CCR1: variants seen among roughly 807,000 people sequenced by gnomAD.
CCR1 encodes C-C chemokine receptor type 1.
CCR1 carries 1 observed loss-of-function variant against 0.3 expected under a neutral mutation model. The ratio of observed to expected loss-of-function variants is 3.70; its 90% CI spans 1.31 to 17.54. CCR1 has a LOEUF of 17.54. CCR1 is among the 30% of genes most tolerant of loss of function. The pLI, the probability that CCR1 is intolerant of heterozygous loss-of-function variation, is 0.11. For missense variants in CCR1, 349 were observed against 435.4 expected, an observed-to-expected ratio of 0.80 and a Z score of 1.77; for synonymous variants, 207 against 182.5, an observed-to-expected ratio of 1.13 and a Z score of -1.08.
rs201541865 is a variant in CCR1, at chr3:46,202,784, G to GTT, written c.*461_*462insAA. 1 of 145,632 alleles carries GTT rather than the reference G, an allele frequency of 6.9e-6. No homozygotes were observed. The highest frequency in any genetic ancestry group is 2.6e-5 in the African/African-American group (1 of 38,282). 9.0% of individuals were successfully genotyped at this position (145,632 alleles called of 1,614,324 possible). ...GTTCTTTGGCAGTGGGAGGGTGGCG[G>GTT]GGGGGGGGAGGTGATGGAAGAACAG... On this transcript the variant is annotated 3_prime_UTR_variant, in exon 2 of 2. Transcript: ENST00000296140.
In CCR1 at chr3:46,203,193, T is replaced by A; in HGVS notation, c.*53A>T. Reference sequence around the variant, plus strand: ...TGGGAGAGCCAGGCTGCTGGCTCAGTGTGCCTGGCAGGTCACGCCTGCTTA... The same window carrying A: ...TGGGAGAGCCAGGCTGCTGGCTCAGAGTGCCTGGCAGGTCACGCCTGCTTA... On this transcript the variant is annotated 3_prime_UTR_variant, in exon 2 of 2. Coordinates refer to ENST00000296140, the MANE Select transcript of CCR1 (RefSeq NM_001295.3). This position sits in a 1 kb window ranked among gnomAD's most constrained non-coding sequence, Gnocchi z 4.5. 7.4e-7 allele frequency: 1 copy of A among 1,343,438 alleles called. No homozygotes were observed. Among genetic ancestry groups the A allele is most frequent in the Non-Finnish European group, 1.0e-6 (1 of 959,174 alleles). 83.2% of individuals were successfully genotyped at this position (1,343,438 alleles called of 1,614,324 possible). A position where few individuals can be genotyped will look rare whatever the true frequency, so the allele number is the denominator to read the frequency against.
At position 46,202,665 on chromosome 3, in the gene CCR1, A is replaced by G. The variant is rs1428538279; in HGVS notation, c.*581T>C. ...ATGTTCCCCAGGATTCCAAGAGCCC[A>G]AATCCTGCGGTGGGAGTGAAGGGGA... On this transcript the variant is annotated 3_prime_UTR_variant, in exon 2 of 2. Coordinates refer to ENST00000296140, the MANE Select transcript of CCR1 (RefSeq NM_001295.3). 6.6e-6 allele frequency: 1 copy of G among 152,166 alleles called. No homozygotes were observed. The highest frequency in any genetic ancestry group is 1.5e-5 in the Non-Finnish European group (1 of 68,084). The allele number at this position is 152,166 out of a possible 1,614,324, so 9.4% of individuals were successfully genotyped here.
chr3:46,206,985 G>A (rs1024910300), intron 1 of CCR1, among the ~76,000 whole-genome samples: 40 of 152,280 alleles, frequency 2.6e-4, no homozygotes, highest in African/African-American at 9.6e-4. Context: ...TGGTGCGCTG[G>A]CTGGCTTATA....
chr3:46,204,384 C>T, intron 1 of CCR1, 60 bp from the exon 2 acceptor site: 1 of 1,102,170 alleles, frequency 9.1e-7, no homozygotes, highest in Non-Finnish European at 1.3e-6. Context: ...GCAGTGGGCA[C>T]TGGACAGTAA....
chr3:46,202,991 A>T lies in CCR1; in HGVS notation c.*255T>A, dbSNP rs954905774. 2 of 453,800 alleles carry T rather than the reference A, an allele frequency of 4.4e-6. No homozygotes were observed. Among genetic ancestry groups the T allele is most frequent in the Non-Finnish European group, 7.9e-6 (2 of 252,750 alleles). 28.1% of individuals were successfully genotyped at this position (453,800 alleles called of 1,614,324 possible). A position where few individuals can be genotyped will look rare whatever the true frequency, so the allele number is the denominator to read the frequency against. On this transcript the variant is annotated 3_prime_UTR_variant, in exon 2 of 2. Coordinates refer to ENST00000296140, the MANE Select transcript of CCR1 (RefSeq NM_001295.3). ...TTGAGTCCAAGCCCTTCTCTGGTAC[A>T]CTTAGTCCCAGTCTCTGGAATATTT...
At chr3:46,205,089 T>C (rs1699635179) in intron 1 of CCR1, among the ~76,000 whole-genome samples, 1 of 152,192 alleles carries the variant, frequency 6.6e-6, no homozygotes, top group Non-Finnish European at 1.5e-5. Flanking sequence ...GATGCTACCG[T>C]CATTTGGTAG....
In CCR1 at chr3:46,202,691, G is replaced by A. The variant is rs1699606935; in HGVS notation, c.*555C>T. ...AATCCTGCGGTGGGAGTGAAGGGGA[G>A]GCAGATGCTGGCTACTGATTGGCTC... On this transcript the variant is annotated 3_prime_UTR_variant, in exon 2 of 2. Coordinates refer to ENST00000296140, the MANE Select transcript of CCR1 (RefSeq NM_001295.3). The A allele has an allele frequency of 6.6e-6, 1 of 151,868 alleles. No individual in the cohort carries two copies. Among genetic ancestry groups the A allele is most frequent in the Non-Finnish European group, 1.5e-5 (1 of 68,026 alleles). The allele number at this position is 151,868 out of a possible 1,614,324, so 9.4% of individuals were successfully genotyped here. A position where few individuals can be genotyped will look rare whatever the true frequency, so the allele number is the denominator to read the frequency against.
At position 46,203,382 on chromosome 3, in the gene CCR1, T is replaced by C; in HGVS notation, c.932A>G (p.Tyr311Cys). ...ACGCCTGTGGAACAACTGCCGCAGG[T>C]ACTTCCGGAACCTCTCACCAACGAA... ...YAFVGERFRK[Y>C]LRQLFHRRVA... Residue 311 changes from tyrosine (Y) to cysteine (C), a missense_variant, in exon 2 of 2, where the codon TAC becomes TGC. Physicochemically the swap from Tyr to Cys is radical, Grantham distance 194. Transcript: ENST00000296140. The surrounding 1 kb of genome is among the most constrained non-coding windows in gnomAD (Gnocchi z 4.5). 1 of 1,614,116 alleles carries C rather than the reference T, an allele frequency of 6.2e-7. No homozygotes were observed. Among genetic ancestry groups the C allele is most frequent in the Non-Finnish European group, 8.5e-7 (1 of 1,180,020 alleles).
At chr3:46,205,737 A>G (rs973590514) in intron 1 of CCR1, among the ~76,000 whole-genome samples, 2 of 152,152 alleles carry the variant, frequency 1.3e-5, no homozygotes, top group Admixed American at 1.3e-4. Flanking sequence ...ATGTATGAGA[A>G]AAGTGCTACC....
In CCR1 at chr3:46,203,275, C is replaced by T. The variant is rs201726724; in HGVS notation, c.1039G>A (p.Gly347Arg). 5.8e-5 allele frequency: 93 copies of T among 1,613,912 alleles called. No individual in the cohort carries two copies. The highest frequency in any genetic ancestry group is 7.5e-5 in the Non-Finnish European group (88 of 1,179,932). Residue 347 changes from glycine to arginine, a missense_variant, in exon 2 of 2, where the codon GGG becomes AGG. Physicochemically the swap from Gly to Arg is moderately radical, Grantham distance 125. Coordinates refer to ENST00000296140, the MANE Select transcript of CCR1 (RefSeq NM_001295.3). This position sits in a 1 kb window ranked among gnomAD's most constrained non-coding sequence, Gnocchi z 4.5. Reference protein sequence around the residue: ...ERVSSTSPSTGEHELSAGF With the variant: ...ERVSSTSPSTREHELSAGF ...AACCCAGCAGAGAGTTCATGCTCCC[C>T]TGTGGAGGGAGATGTGGAGCTGACC... is the stretch of plus-strand genomic sequence containing the variant.
intron 1 of CCR1, among the ~76,000 whole-genome samples, chr3:46,204,606 A>C (rs1218879062): frequency 1.3e-5 from 2 of 152,176 alleles, no homozygotes; most frequent in African/African-American, 2.4e-5. Context: ...TTTGTAAGGG[A>C]TAAGTTCAAT....
chr3:46,203,229 G>A lies in CCR1; in HGVS notation c.*17C>T. 6.3e-7 allele frequency: 1 copy of A among 1,581,522 alleles called. No homozygotes were observed. Among genetic ancestry groups the A allele is most frequent in the Non-Finnish European group, 8.6e-7 (1 of 1,156,658 alleles). On this transcript the variant is annotated 3_prime_UTR_variant, in exon 2 of 2. Transcript: ENST00000296140. This position sits in a 1 kb window ranked among gnomAD's most constrained non-coding sequence, Gnocchi z 4.5. ...GGTCACGCCTGCTTATTTTGGGTTG[G>A]CCTCCTATGGTCTGAGTCAGAACCC...
intron 1 of CCR1, among the ~76,000 whole-genome samples, chr3:46,206,018 G>A (rs1349240407): frequency 6.6e-6 from 1 of 152,294 alleles, no homozygotes; most frequent in East Asian, 1.9e-4. Flanking sequence ...GGTGGACAAT[G>A]ATGGTCCCTT....
chr3:46,206,609 G>C (rs986723076), intron 1 of CCR1, among the ~76,000 whole-genome samples: 1 of 152,222 alleles, frequency 6.6e-6, no homozygotes, highest in African/African-American at 2.4e-5. Context: ...AAAGGCAAAG[G>C]CAAGTTGAGT....
rs753309642 is a variant in CCR1, at chr3:46,203,419, C to T, written c.895G>A (p.Val299Met). ...IAYTHCCVNP[V>M]IYAFVGERFR... ...CTCTCACCAACGAAGGCGTAGATCA[C>T]TGGGTTGACACAGCAGTGCGTGTAG... Residue 299 changes from valine to methionine, a missense_variant, in exon 2 of 2, where the codon GTG becomes ATG. Val to Met is a conservative substitution (Grantham distance 21). Transcript: ENST00000296140. This position sits in a 1 kb window ranked among gnomAD's most constrained non-coding sequence, Gnocchi z 4.5. 1.2e-6 allele frequency: 2 copies of T among 1,614,190 alleles called. No homozygotes were observed. Among genetic ancestry groups the T allele is most frequent in the East Asian group, 4.5e-5 (2 of 44,880 alleles).
chr3:46,203,524 A>G lies in CCR1; in HGVS notation c.790T>C (p.Phe264Leu), dbSNP rs750881981. The change falls in exon 2 of 2, where the codon TTC becomes CTC. Residue 264 changes from phenylalanine to leucine, a missense_variant. Transcript: ENST00000296140. This position sits in a 1 kb window ranked among gnomAD's most constrained non-coding sequence, Gnocchi z 4.5. ...PYNLTILISV[F>L]QDFLFTHECE... ...TCATGGGTGAACAGGAAGTCTTGGA[A>G]AACAGAAATAAGTATAGTCAAATTG... 1.9e-6 allele frequency: 3 copies of G among 1,614,166 alleles called. No homozygotes were observed. The highest frequency in any genetic ancestry group is 2.5e-6 in the Non-Finnish European group (3 of 1,180,020).
chr3:46,204,426 C>A, intron 1 of CCR1, 102 bp from the exon 2 acceptor site: 1 of 736,752 alleles, frequency 1.4e-6, no homozygotes, highest in Non-Finnish European at 2.2e-6. Flanking sequence ...TTTTCAGCCA[C>A]TCCATAAATG....
chr3:46,207,213 C>T (rs999410813), intron 1 of CCR1, among the ~76,000 whole-genome samples: 4 of 152,186 alleles, frequency 2.6e-5, no homozygotes, highest in African/African-American at 9.7e-5. Flanking sequence ...TCCCACTGCT[C>T]GGTGCGGGAA....
chr3:46,207,903 G>A (rs149817910), intron 1 of CCR1, among the ~76,000 whole-genome samples: 1,535 of 152,238 alleles, frequency 0.01, 32 homozygotes, highest in African/African-American at 0.035. Context: ...GTCTCCCAAA[G>A]TGCTGGGATT....
Sources: allele counts gnomAD v4.1 joint callset (sites outside exome capture counted in the v4.1 genomes callset), GRCh38; gene constraint gnomAD v4.1.1; non-coding constraint Gnocchi (gnomAD v3.1); transcripts MANE v1.5; gene names NCBI Gene and HGNC (gene_info 2026-07-23, HGNC 2026-07-21).